Variants in POTED observed in about 807,000 individuals in gnomAD.
The protein encoded by POTED is ANKRD26-like family B member 3.
POTED carries 7 observed loss-of-function variants against 19.0 expected under a neutral mutation model. The ratio of observed to expected loss-of-function variants is 0.37; its 90% CI spans 0.21 to 0.69. The LOEUF is 0.69. Ranked by LOEUF, POTED falls within the 30% of genes least tolerant of loss-of-function variation. POTED has a pLI of 0.56. For synonymous variants in POTED, 16 were observed against 92.0 expected (o/e 0.17, Z 4.73); for missense variants, 54 against 278.5 (o/e 0.19, Z 5.74).
intron 10 of POTED, 124 bp downstream of exon 10, chr21:13,639,762 A>ATGTG: frequency 1.9e-6 from 1 of 539,140 alleles, no homozygotes; most frequent in Non-Finnish European, 2.5e-6. Flanking sequence ...GTGTATATAT[A>ATGTG]TGTGTGTGTG....
intron 6 of POTED, among the ~76,000 whole-genome samples, chr21:13,626,521 T>G (rs1399592786): frequency 1.0e-5 from 1 of 97,260 alleles, no homozygotes; most frequent in Non-Finnish European, 2.0e-5. Context: ...ATGATCTACA[T>G]CTAAATACAG....
At chr21:13,636,985 G>T in intron 9 of POTED, among the ~76,000 whole-genome samples, 1 of 14,220 alleles carries the variant, frequency 7.0e-5, no homozygotes, top group African/African-American at 9.2e-4. Context: ...GAATTACCCA[G>T]TCTCAGGTAT....
rs1601489405 is a variant in POTED, at chr21:13,640,609, G to A, written c.1534-736G>A. ...CTGTCACCCACGCTGGAGTGCAGTG[G>A]CACAAACTCAGTTCACTGCAACCTC... is the stretch of plus-strand genomic sequence containing the variant. On this transcript the variant is annotated intron_variant, in intron 10 of 10. Coordinates refer to ENST00000299443, the MANE Select transcript of POTED (RefSeq NM_174981.6). Among the ~76,000 whole-genome samples, 2 of 68,642 alleles carry A rather than the reference G, an allele frequency of 2.9e-5. 1 individual carries two copies. The highest frequency in any genetic ancestry group is 5.0e-5 in the Non-Finnish European group (2 of 40,098). 45.0% of individuals were successfully genotyped at this position (68,642 alleles called of 152,430 possible).
chr21:13,642,511 G>A lies in POTED; in HGVS notation c.*945G>A, dbSNP rs2011279901. Among the ~76,000 whole-genome samples the A allele has an allele frequency of 1.3e-5, 1 of 78,650 alleles. No individual in the cohort carries two copies. Among genetic ancestry groups the A allele is most frequent in the African/African-American group, 1.0e-4 (1 of 10,026 alleles). The allele number at this position is 78,650 out of a possible 152,430, so 51.6% of individuals were successfully genotyped here. On this transcript the variant is annotated 3_prime_UTR_variant, in exon 11 of 11. Coordinates refer to ENST00000299443, the MANE Select transcript of POTED (RefSeq NM_174981.6). Reference sequence around the variant, plus strand: ...AGTCTTAGAGTTTCAGAGTGTCTGAGGAGACCAGGGGCTGAAGTGAACCCC... The same window carrying A: ...AGTCTTAGAGTTTCAGAGTGTCTGAAGAGACCAGGGGCTGAAGTGAACCCC...
chr21:13,639,661 A>G lies in POTED; in HGVS notation c.1533+23A>G, dbSNP rs1457181531. 20 of 478,962 alleles carry G rather than the reference A, an allele frequency of 4.2e-5. 6 individuals carry two copies. In the South Asian group the frequency reaches 4.7e-4, roughly 11 times the overall value. The allele number at this position is 478,962 out of a possible 1,614,324, so 29.7% of individuals were successfully genotyped here. A position where few individuals can be genotyped will look rare whatever the true frequency, so the allele number is the denominator to read the frequency against. On this transcript the variant is annotated intron_variant, in intron 10 of 10. Transcript: ENST00000299443. ...GAGGTATTTTCTTTAGTCATTTTCA[A>G]ATGTTTTCATATGTGTATATATTTT... is the stretch of plus-strand genomic sequence containing the variant.
At position 13,627,574 on chromosome 21, in the gene POTED, A is replaced by T. The variant is rs529666121; in HGVS notation, c.1127-808A>T. Among the ~76,000 whole-genome samples, 133 of 83,916 alleles carry T rather than the reference A, an allele frequency of 1.6e-3. 37 individuals carry two copies. Among genetic ancestry groups the T allele is most frequent in the Non-Finnish European group, 2.3e-3 (106 of 46,886 alleles). 55.1% of individuals were successfully genotyped at this position (83,916 alleles called of 152,430 possible). On this transcript the variant is annotated intron_variant, in intron 6 of 10. Transcript: ENST00000299443. ...GTAGTAATTTTGGAAATCATTTGTA[A>T]GGTACTATTGTTGCAGAAAACAGGA...
rs2123220661 is a variant in POTED at position 13,634,183 on chromosome 21, T to C, written c.1409+3076T>C. On this transcript the variant is annotated intron_variant, in intron 9 of 10. Transcript: ENST00000299443. ...GTGTCATTCTTGACTCATCTCTCTC[T>C]CTCTCTCTGACACCTCACATCTAAT... Among the ~76,000 whole-genome samples the C allele has an allele frequency of 2.5e-5, 2 of 78,854 alleles. 1 individual carries two copies. Among genetic ancestry groups the C allele is most frequent in the South Asian group, 7.5e-4 (2 of 2,676 alleles). 51.7% of individuals were successfully genotyped at this position (78,854 alleles called of 152,430 possible). A position where few individuals can be genotyped will look rare whatever the true frequency, so the allele number is the denominator to read the frequency against.
In POTED at chr21:13,636,957, T is replaced by A. The variant is rs2011238076; in HGVS notation, c.1410-2558T>A. ...CAGCCATGTGTAACTGTGAATCAAT[T>A]AAGCCTCTTTCCTTTATGAATTACC... On this transcript the variant is annotated intron_variant, in intron 9 of 10. Coordinates refer to ENST00000299443, the MANE Select transcript of POTED (RefSeq NM_174981.6). 5.1e-5 allele frequency among the ~76,000 whole-genome samples: 2 copies of A among 39,514 alleles called. 1 individual carries two copies. The highest frequency in any genetic ancestry group is 1.4e-3 in the South Asian group (2 of 1,432). The allele number at this position is 39,514 out of a possible 152,430, so 25.9% of individuals were successfully genotyped here.
At position 13,610,488 on chromosome 21, in the gene POTED, A is replaced by G. The variant is rs1434241491; in HGVS notation, c.260A>G (p.Glu87Gly). The part of the protein sequence containing the change: ...TSNVGTSGDH[E>G]NSFMKMLRSK... Reference sequence around the variant, plus strand: ...AACGTGGGCACTTCTGGAGACCATGAAAACTCCTTTATGAAGATGCTCAGG... The same window carrying G: ...AACGTGGGCACTTCTGGAGACCATGGAAACTCCTTTATGAAGATGCTCAGG... The change falls in exon 1 of 11, where the codon GAA becomes GGA. Residue 87 changes from glutamate to glycine, a missense_variant. By Grantham distance (98) the Glu-to-Gly change is moderately conservative. Around this residue, in one of 3 missense-constraint regions of POTED, gnomAD observed 38 missense variants for 163.8 expected, o/e 0.23. Transcript: ENST00000299443. 9.6e-7 allele frequency: 1 copy of G among 1,043,684 alleles called. No homozygotes were observed. Among genetic ancestry groups the G allele is most frequent in the Non-Finnish European group, 1.2e-6 (1 of 815,654 alleles). The allele number at this position is 1,043,684 out of a possible 1,614,324, so 64.7% of individuals were successfully genotyped here.
chr21:13,623,897 G>T (rs1464511957), intron 6 of POTED, among the ~76,000 whole-genome samples: 1 of 93,068 alleles, frequency 1.1e-5, no homozygotes, highest in Non-Finnish European at 2.0e-5. Flanking sequence ...TTTATAAGTT[G>T]CAGGAGACAA....
Position 13,641,901 on chromosome 21 carries a change from AGAT to A in POTED, c.*338_*340del, listed in dbSNP as rs1473917905. Among the ~76,000 whole-genome samples the A allele has an allele frequency of 2.3e-5, 1 of 42,580 alleles. No homozygotes were observed. The highest frequency in any genetic ancestry group is 3.8e-5 in the Non-Finnish European group (1 of 26,136). The allele number at this position is 42,580 out of a possible 152,430, so 27.9% of individuals were successfully genotyped here. ...CACACAGGATAAATTCTGAGAGAAAAGATGAGGCAGGCCACCATCTTTCCTGTT... is the reference window on the plus strand; with the variant it reads ...CACACAGGATAAATTCTGAGAGAAAAGAGGCAGGCCACCATCTTTCCTGTT... On this transcript the variant is annotated 3_prime_UTR_variant, in exon 11 of 11. Coordinates refer to ENST00000299443, the MANE Select transcript of POTED (RefSeq NM_174981.6).
rs773856171 is a variant in POTED at position 13,639,561 on chromosome 21, A to G, written c.1456A>G (p.Thr486Ala). Reference sequence around the variant, plus strand: ...GAAACAACTTTCTGAAGAACAGAACACTGGAATATCACAAGATGAGATTCT... The same window carrying G: ...GAAACAACTTTCTGAAGAACAGAACGCTGGAATATCACAAGATGAGATTCT... ...TRKQLSEEQN[T>A]GISQDEILTN... The change falls in exon 10 of 11, where the codon ACT becomes GCT. Residue 486 changes from threonine to alanine, a missense_variant. Transcript: ENST00000299443. 1.5e-5 allele frequency: 13 copies of G among 890,182 alleles called. 1 individual carries two copies. In the South Asian group the frequency reaches 2.5e-4, roughly 17 times the overall value. 55.1% of individuals were successfully genotyped at this position (890,182 alleles called of 1,614,324 possible). A position where few individuals can be genotyped will look rare whatever the true frequency, so the allele number is the denominator to read the frequency against.
Position 13,610,662 on chromosome 21 carries a change from G to T in POTED, c.434G>T (p.Arg145Ile), listed in dbSNP as rs2011138004. ...IRREDLDKLH[R>I]AAWWGKVPRK... ...CGAGAAGATCTGGACAAGCTCCACA[G>T]AGCTGCCTGGTGGGGTAAAGTCCCC... is the stretch of plus-strand genomic sequence containing the variant. The change falls in exon 1 of 11, where the codon AGA becomes ATA. Residue 145 changes from arginine to isoleucine, a missense_variant. Around this residue, in one of 3 missense-constraint regions of POTED, gnomAD observed 38 missense variants for 163.8 expected, o/e 0.23. Transcript: ENST00000299443. The T allele has an allele frequency of 4.6e-6, 5 of 1,076,572 alleles. 2 individuals are homozygous for T. In the South Asian group the frequency reaches 7.9e-5, roughly 17 times the overall value. The allele number at this position is 1,076,572 out of a possible 1,614,324, so 66.7% of individuals were successfully genotyped here.
intron 1 of POTED, among the ~76,000 whole-genome samples, chr21:13,612,157 CTA>C (rs2011143728): frequency 1.3e-5 from 1 of 79,894 alleles, no homozygotes; most frequent in South Asian, 3.6e-4. Context: ...GAATGAAAGA[CTA>C]TTTTCTGTTT....
rs1235971431 is a variant in POTED, at chr21:13,616,076, G to A, written c.810+506G>A. Among the ~76,000 whole-genome samples the A allele has an allele frequency of 3.3e-5, 2 of 61,090 alleles. 1 individual carries two copies. Among genetic ancestry groups the A allele is most frequent in the African/African-American group, 1.7e-4 (2 of 11,442 alleles). The allele number at this position is 61,090 out of a possible 152,430, so 40.1% of individuals were successfully genotyped here. A position where few individuals can be genotyped will look rare whatever the true frequency, so the allele number is the denominator to read the frequency against. ...GCAGAAGTGGAAAGGGAAAAATGCAGCAATCAGAAATATCAAGGCCAACTT... is the reference window on the plus strand; with the variant it reads ...GCAGAAGTGGAAAGGGAAAAATGCAACAATCAGAAATATCAAGGCCAACTT... On this transcript the variant is annotated intron_variant, in intron 3 of 10. Coordinates refer to ENST00000299443, the MANE Select transcript of POTED (RefSeq NM_174981.6).
At chr21:13,627,333 C>A (rs1264385666) in intron 6 of POTED, among the ~76,000 whole-genome samples, 1 of 30,074 alleles carries the variant, frequency 3.3e-5, no homozygotes, top group Non-Finnish European at 5.2e-5. Context: ...ATCCCAGCTT[C>A]TCAGGAGAAT....
Position 13,645,194 on chromosome 21 carries a change from C to T in POTED, c.*3628C>T, listed in dbSNP as rs1335667124. Among the ~76,000 whole-genome samples, 1 of 133,100 alleles carries T rather than the reference C, an allele frequency of 7.5e-6. No individual in the cohort carries two copies. The highest frequency in any genetic ancestry group is 1.6e-5 in the Non-Finnish European group (1 of 61,474). The allele number at this position is 133,100 out of a possible 152,430, so 87.3% of individuals were successfully genotyped here. On this transcript the variant is annotated 3_prime_UTR_variant, in exon 11 of 11. Transcript: ENST00000299443. The stretch of plus-strand genomic sequence containing the variant: ...TTCAGAATATCATTCATGAGAATGT[C>T]CCCAACCTAGCCAGACAGGCCAACA...
rs777387161 is a variant in POTED at position 13,610,722 on chromosome 21, A to C, written c.494A>C (p.Asp165Ala). The change falls in exon 1 of 11, where the codon GAC becomes GCC. Residue 165 changes from aspartate (D) to alanine (A), a missense_variant. Transcript: ENST00000299443. ...CTCATCGTCATGCTCAGGGACACTG[A>C]CATGAACAAGAGGGACAAGGAAAAG... ...KDLIVMLRDT[D>A]MNKRDKEKRT... 3.7e-6 allele frequency: 4 copies of C among 1,075,434 alleles called. 1 individual carries two copies. In the South Asian group the frequency reaches 6.4e-5, roughly 17 times the overall value. 66.6% of individuals were successfully genotyped at this position (1,075,434 alleles called of 1,614,324 possible).
chr21:13,627,452 A>G (rs1601485858), intron 6 of POTED, among the ~76,000 whole-genome samples: 1 of 95,882 alleles, frequency 1.0e-5, no homozygotes, highest in South Asian at 3.2e-4. Flanking sequence ...AAACAAAAAA[A>G]CAAAAAAAAA....
Sources: gnomAD v4.1 joint callset for allele counts (sites outside exome capture counted in the v4.1 genomes callset) on GRCh38, gnomAD v4.1.1 for gene constraint, gnomAD v4.1.1 regional missense constraint, MANE v1.5 for transcripts, NCBI Gene and HGNC (gene_info 2026-07-23, HGNC 2026-07-21) for gene names.